Variants in BTBD7 observed in about 807,000 individuals in gnomAD.
BTBD7 encodes BTB domain containing 7.
BTBD7 carries 38 observed loss-of-function variants against 99.9 expected under a neutral mutation model. The observed-to-expected ratio is 0.38, with a 90% CI of 0.29 to 0.50. The LOEUF (loss-of-function observed/expected upper bound fraction) is 0.50, where lower values mean the gene tolerates loss of function less well. Ranked by LOEUF, BTBD7 falls within the 20% of genes least tolerant of loss-of-function variation. The probability of loss-of-function intolerance (pLI) is 0.93; values close to 1 mark genes in which losing one functional copy is unlikely to be tolerated. For missense variants in BTBD7, 1,170 were observed against 1,394.6 expected (o/e 0.84, Z 2.57); for synonymous variants, 520 against 511.4 (o/e 1.02, Z -0.23).
intron 3 of BTBD7, among the ~76,000 whole-genome samples, chr14:93,285,907 T>C (rs1233707787): frequency 6.6e-6 from 1 of 152,208 alleles, no homozygotes; most frequent in East Asian, 1.9e-4. Flanking sequence ...AAGGACACTA[T>C]TAATCTACAG....
chr14:93,319,812 C>A (rs376988790), intron 1 of BTBD7, among the ~76,000 whole-genome samples: 1 of 146,274 alleles, frequency 6.8e-6, no homozygotes. Context: ...GTGTTCTTAC[C>A]AAAAAAAATA....
At chr14:93,304,251 G>A (rs2053043167) in intron 1 of BTBD7, among the ~76,000 whole-genome samples, 2 of 152,220 alleles carry the variant, frequency 1.3e-5, no homozygotes. Flanking sequence ...GTTCTAATCA[G>A]GGACAACTGT....
chr14:93,254,724 T>C (rs1037088201), intron 6 of BTBD7, among the ~76,000 whole-genome samples: 19 of 152,230 alleles, frequency 1.2e-4, no homozygotes, highest in Non-Finnish European at 2.4e-4. Flanking sequence ...ATCAAGTATC[T>C]TTAGTTCCTA....
chr14:93,287,550 TTTC>T (rs2052795096), intron 3 of BTBD7: 1 of 152,190 alleles, frequency 6.6e-6, no homozygotes, highest in African/African-American at 2.4e-5. Context: ...GAAATATTCA[TTTC>T]TTCTTTTTCC....
rs1017294619 is a variant in BTBD7 at position 93,242,882 on chromosome 14, C to T, written c.2790G>A (p.Glu930=). The T allele has an allele frequency of 1.2e-6, 2 of 1,613,890 alleles. No individual in the cohort carries two copies. The highest frequency in any genetic ancestry group is 1.7e-6 in the Non-Finnish European group (2 of 1,179,972). Residue 930 remains glutamate (E), a synonymous_variant, in exon 11 of 11, where the codon GAG becomes GAA. Transcript: ENST00000334746. ...THTSRKKHTL[E]QKTDTRENPQ... ...GATTTTCTCTGGTGTCTGTTTTTTG[C>T]TCTAGTGTGTGTTTTTTCCGAGAAG...
At chr14:93,248,308 CG>C (rs2052335878) in intron 9 of BTBD7, among the ~76,000 whole-genome samples, 167 bp downstream of exon 9, 1 of 152,190 alleles carries the variant, frequency 6.6e-6, no homozygotes, top group African/African-American at 2.4e-5. Context: ...CACTCCATGA[CG>C]CTGCCTCTCA....
intron 1 of BTBD7, among the ~76,000 whole-genome samples, chr14:93,321,906 G>C (rs1025615845): frequency 1.3e-5 from 2 of 152,110 alleles, no homozygotes; most frequent in Non-Finnish European, 2.9e-5. Context: ...AATAGAAGGA[G>C]CGAGAAGAAT....
At chr14:93,290,389 T>G (rs1024169493) in intron 3 of BTBD7, among the ~76,000 whole-genome samples, 14 of 151,200 alleles carry the variant, frequency 9.3e-5, no homozygotes, top group Admixed American at 3.3e-4. Context: ...ATTTATTGTA[T>G]TTTTAGTAGA....
chr14:93,251,387 G>C (rs17749274), intron 8 of BTBD7, 76 bp downstream of exon 8: 75,324 of 1,425,470 alleles, frequency 0.053, 2,544 homozygotes, highest in Admixed American at 0.14. Flanking sequence ...CATATACAGA[G>C]AGGCTCAAAC....
chr14:93,308,310 G>T (rs962556694), intron 1 of BTBD7, among the ~76,000 whole-genome samples: 1 of 142,954 alleles, frequency 7.0e-6, no homozygotes, highest in Admixed American at 6.9e-5. Flanking sequence ...AAAAAGAAAA[G>T]AAAAGAAAAT....
chr14:93,242,955 G>T lies in BTBD7; in HGVS notation c.2717C>A (p.Pro906Gln), dbSNP rs761078695. 1.2e-6 allele frequency: 2 copies of T among 1,613,978 alleles called. No individual in the cohort carries two copies. The highest frequency in any genetic ancestry group is 2.7e-5 in the African/African-American group (2 of 74,890). Residue 906 changes from proline (P) to glutamine (Q), a missense_variant, in exon 11 of 11, where the codon CCA becomes CAA. Coordinates refer to ENST00000334746, the MANE Select transcript of BTBD7 (RefSeq NM_001002860.4). ...ELSQSVSEAG[P>Q]GPPQHLSCIP... ...ACACGACAGATGCTGGGGAGGCCCTGGTCCTGCTTCAGAAACTGACTGGCT... is the reference window on the plus strand; with the variant it reads ...ACACGACAGATGCTGGGGAGGCCCTTGTCCTGCTTCAGAAACTGACTGGCT...
rs1351570030 is a variant in BTBD7 at position 93,332,833 on chromosome 14, C to CCCG, written c.-123_-121dup. 1.5e-5 allele frequency: 22 copies of CCCG among 1,478,374 alleles called. No homozygotes were observed. Among genetic ancestry groups the CCCG allele is most frequent in the Non-Finnish European group, 1.7e-5 (19 of 1,120,962 alleles). 91.6% of individuals were successfully genotyped at this position (1,478,374 alleles called of 1,614,324 possible). A position where few individuals can be genotyped will look rare whatever the true frequency, so the allele number is the denominator to read the frequency against. Reference sequence around the variant, plus strand: ...AGGGACACTCACCCCGGAGGCTCCTCCCGCCGCTGCTGCTGCCGCTGGGAC... The same window carrying CCCG: ...AGGGACACTCACCCCGGAGGCTCCTCCCGCCGCCGCTGCTGCTGCCGCTGGGAC... On this transcript the variant is annotated 5_prime_UTR_variant, in exon 1 of 11. Transcript: ENST00000334746.
In BTBD7 at chr14:93,242,192, T is replaced by G; in HGVS notation, c.*81A>C. On this transcript the variant is annotated 3_prime_UTR_variant, in exon 11 of 11. Coordinates refer to ENST00000334746, the MANE Select transcript of BTBD7 (RefSeq NM_001002860.4). ...AAACCGAGTTATCAGCTGGCATTGA[T>G]GAACTGGTCTGTAAGTTGTTGGGTT... The G allele has an allele frequency of 1.5e-6, 2 of 1,298,536 alleles. No individual in the cohort carries two copies. Among genetic ancestry groups the G allele is most frequent in the South Asian group, 1.4e-5 (1 of 72,588 alleles). 80.4% of individuals were successfully genotyped at this position (1,298,536 alleles called of 1,614,324 possible). A position where few individuals can be genotyped will look rare whatever the true frequency, so the allele number is the denominator to read the frequency against.
chr14:93,321,568 G>A (rs1317870619), intron 1 of BTBD7, among the ~76,000 whole-genome samples: 1 of 152,168 alleles, frequency 6.6e-6, no homozygotes, highest in African/African-American at 2.4e-5. Context: ...ACTCCAGCCT[G>A]GGCTACAGAG....
chr14:93,264,945 C>T (rs1347887206), intron 3 of BTBD7, among the ~76,000 whole-genome samples: 1 of 152,010 alleles, frequency 6.6e-6, no homozygotes, highest in Non-Finnish European at 1.5e-5. Context: ...ACTAAAAATA[C>T]AAAAATTAGC....
chr14:93,331,773 T>C (rs973758903), intron 1 of BTBD7, among the ~76,000 whole-genome samples: 2 of 151,666 alleles, frequency 1.3e-5, no homozygotes, highest in Non-Finnish European at 2.9e-5. Flanking sequence ...CCCAGCTACT[T>C]GGGAGGCTGA....
chr14:93,243,287 G>C lies in BTBD7; in HGVS notation c.2584-199C>G, dbSNP rs376898109. Among the ~76,000 whole-genome samples the C allele has an allele frequency of 7.2e-5, 11 of 151,834 alleles. 1 individual carries two copies. In the East Asian group the frequency reaches 1.5e-3, roughly 21 times the overall value. Reference sequence around the variant, plus strand: ...CAGCTTACTGTAACCTCTGCCTCCCGGGTTCAAGTGATTCTCCTGCCTCAG... The same window carrying C: ...CAGCTTACTGTAACCTCTGCCTCCCCGGTTCAAGTGATTCTCCTGCCTCAG... On this transcript the variant is annotated intron_variant, in intron 10 of 10. Coordinates refer to ENST00000334746, the MANE Select transcript of BTBD7 (RefSeq NM_001002860.4).
chr14:93,264,048 C>A (rs950410855), intron 3 of BTBD7, 55 bp from the exon 4 acceptor site: 2 of 1,478,934 alleles, frequency 1.4e-6, no homozygotes, highest in South Asian at 1.1e-5. Context: ...ACTTATTGAA[C>A]ATTAGTGTGC....
intron 1 of BTBD7, among the ~76,000 whole-genome samples, chr14:93,305,563 T>TA (rs2053060238): frequency 6.6e-6 from 1 of 152,240 alleles, no homozygotes; most frequent in African/African-American, 2.4e-5. Context: ...AATTTTTCCT[T>TA]AATCCCATTG....
Sources: allele counts gnomAD v4.1 joint callset (sites outside exome capture counted in the v4.1 genomes callset), GRCh38; gene constraint gnomAD v4.1.1; transcripts MANE v1.5; gene names NCBI Gene and HGNC (gene_info 2026-07-23, HGNC 2026-07-21).